The following ADGRG4 variants were observed in gnomAD, a reference collection of about 807,000 sequenced individuals.
ADGRG4 encodes the protein G protein-coupled receptor 112.
A neutral mutation model predicts 126.2 loss-of-function variants in ADGRG4; 122 were observed. The ratio of observed to expected loss-of-function variants is 0.97; its 90% CI spans 0.83 to 1.12. The LOEUF is 1.12. Among genes scored for constraint, ADGRG4 ranks in the 50% most tolerant of loss-of-function variants. The pLI is 0.00. For synonymous variants in ADGRG4, 943 were observed against 838.7 expected, an observed-to-expected ratio of 1.12 and a Z score of -2.15; for missense variants, 2,481 against 2,251.8, an observed-to-expected ratio of 1.10 and a Z score of -2.06.
At chrX:136,363,444 T>A (rs1460923504) in intron 12 of ADGRG4, 33 bp from the exon 13 acceptor site, 1 of 943,253 alleles carries the variant, frequency 1.1e-6, no homozygotes, top group South Asian at 1.9e-5. Flanking sequence ...TGCCTCATCC[T>A]CTGATGAGAA....
At position 136,372,851 on chromosome X, in the gene ADGRG4, G is replaced by C. The variant is rs758111673; in HGVS notation, c.7614-51G>C. ...TAAGGAAATCTTGCAAGGAGGATGGGTTTTACTTTTAAAAGGTAGGATGCT... is the reference window on the plus strand; with the variant it reads ...TAAGGAAATCTTGCAAGGAGGATGGCTTTTACTTTTAAAAGGTAGGATGCT... On this transcript the variant is annotated intron_variant, in intron 14 of 25. Transcript: ENST00000394143. 41 of 1,165,573 alleles carry C rather than the reference G, an allele frequency of 3.5e-5. No homozygotes were observed. The South Asian group carries it at 5.8e-4, about 16-fold the overall frequency.
At chrX:136,358,335 GGGA>G (rs2075107223) in intron 10 of ADGRG4, among the ~76,000 whole-genome samples, 2 of 111,375 alleles carry the variant, frequency 1.8e-5, no homozygotes, top group Non-Finnish European at 3.8e-5. Context: ...AGGATGAGCA[GGGA>G]CTTCACCAAA....
intron 5 of ADGRG4, among the ~76,000 whole-genome samples, chrX:136,338,302 C>A (rs947224697): frequency 1.8e-5 from 2 of 110,221 alleles, no homozygotes; most frequent in Non-Finnish European, 3.8e-5. Flanking sequence ...GCACTCAACA[C>A]CATGTCTGGC....
chrX:136,342,232 A>G (rs2074983011), intron 5 of ADGRG4, among the ~76,000 whole-genome samples: 1 of 111,904 alleles, frequency 8.9e-6, no homozygotes. Flanking sequence ...CTTTGTTATC[A>G]TACACTGTCA....
Position 136,346,585 on chromosome X carries a change from A to G in ADGRG4, c.2879A>G (p.His960Arg), listed in dbSNP as rs150236585. 3.3e-4 allele frequency: 393 copies of G among 1,208,921 alleles called. 6 individuals are homozygous for G. The highest frequency in any genetic ancestry group is 1.8e-5 in the Non-Finnish European group (16 of 894,501). The change falls in exon 6 of 26, where the codon CAT (histidine) becomes CGT (arginine). Residue 960 changes from histidine to arginine, a missense_variant. Transcript: ENST00000394143. ...SAGSPTSGST[H>R]IFGEPLGAST... Reference sequence around the variant, plus strand: ...GGATCTCCCACTTCTGGGAGCACACATATATTCGGTGAACCCCTGGGTGCT... The same window carrying G: ...GGATCTCCCACTTCTGGGAGCACACGTATATTCGGTGAACCCCTGGGTGCT...
intron 5 of ADGRG4, among the ~76,000 whole-genome samples, chrX:136,327,214 TAAA>T (rs1456538967): frequency 9.0e-6 from 1 of 111,031 alleles, no homozygotes; most frequent in Admixed American, 9.6e-5. Context: ...AGGTGTCTGT[TAAA>T]AAATTTTTTC....
chrX:136,375,196 A>G (rs1040766687), intron 15 of ADGRG4, among the ~76,000 whole-genome samples: 23 of 111,684 alleles, frequency 2.1e-4, no homozygotes, highest in African/African-American at 7.2e-4. Flanking sequence ...CATCCAAGTT[A>G]CTGCAAAAGA....
At chrX:136,366,391 T>A (rs2075158730) in intron 13 of ADGRG4, among the ~76,000 whole-genome samples, 1 of 112,504 alleles carries the variant, frequency 8.9e-6, no homozygotes, top group African/African-American at 3.2e-5. Flanking sequence ...TGGCACTGGA[T>A]AATATTCCAT....
chrX:136,386,984 G>A (rs752936756), intron 15 of ADGRG4, among the ~76,000 whole-genome samples: 3 of 111,819 alleles, frequency 2.7e-5, no homozygotes, highest in East Asian at 2.8e-4. Context: ...GGCCGCCTGC[G>A]GTGAGAGCCT....
At chrX:136,398,917 A>T (rs953242144) in intron 20 of ADGRG4, among the ~76,000 whole-genome samples, 1 of 112,556 alleles carries the variant, frequency 8.9e-6, no homozygotes, top group African/African-American at 3.2e-5. Flanking sequence ...AAATTGTGAT[A>T]TATTTGTAAA....
intron 13 of ADGRG4, among the ~76,000 whole-genome samples, chrX:136,370,599 T>G (rs1234549006): frequency 8.9e-6 from 1 of 112,219 alleles, no homozygotes; most frequent in Admixed American, 9.5e-5. Context: ...ACTAAAGTAT[T>G]TATGGATAAA....
intron 15 of ADGRG4, among the ~76,000 whole-genome samples, chrX:136,378,497 C>A (rs184468119): frequency 9.0e-6 from 1 of 110,883 alleles, no homozygotes; most frequent in Admixed American, 9.6e-5. Context: ...GGGGCCTATT[C>A]TGATGTTTAA....
chrX:136,341,161 A>C (rs768416480), intron 5 of ADGRG4, among the ~76,000 whole-genome samples: 135 of 112,150 alleles, frequency 1.2e-3, no homozygotes, highest in African/African-American at 4.2e-3. Flanking sequence ...TCTATGGCTC[A>C]GCCCTCTCTG....
Position 136,348,936 on chromosome X carries a change from A to T in ADGRG4, c.5230A>T (p.Ile1744Phe), listed in dbSNP as rs199856466. Residue 1744 changes from isoleucine to phenylalanine, a missense_variant, in exon 6 of 26, where the codon ATC becomes TTC. Ile to Phe is a conservative substitution (Grantham distance 21). Coordinates refer to ENST00000394143, the MANE Select transcript of ADGRG4 (RefSeq NM_153834.4). Reference sequence around the variant, plus strand: ...AGCTCTCACAGATACTTATTCCAGAATCACTGTTCCTGAAAATATGCTTTC... The same window carrying T: ...AGCTCTCACAGATACTTATTCCAGATTCACTGTTCCTGAAAATATGCTTTC... ...GVALTDTYSR[I>F]TVPENMLSPT... 9.9e-6 allele frequency: 12 copies of T among 1,208,107 alleles called. No individual in the cohort carries two copies. Among genetic ancestry groups the T allele is most frequent in the Non-Finnish European group, 1.3e-5 (12 of 892,878 alleles).
chrX:136,400,238 G>T (rs1011471110), intron 21 of ADGRG4, 122 bp downstream of exon 21: 1 of 575,874 alleles, frequency 1.7e-6, no homozygotes, highest in Admixed American at 3.6e-5. Context: ...TGGTGTTTGG[G>T]CATGCATCTT....
At chrX:136,305,613 C>G (rs2074728452) in intron 3 of ADGRG4, among the ~76,000 whole-genome samples, 1 of 112,129 alleles carries the variant, frequency 8.9e-6, no homozygotes, top group East Asian at 2.8e-4. Context: ...GAATAAATGT[C>G]CAGTGAGGGT....
At chrX:136,385,051 A>G (rs944690611) in intron 15 of ADGRG4, among the ~76,000 whole-genome samples, 6 of 110,731 alleles carry the variant, frequency 5.4e-5, no homozygotes, top group Admixed American at 9.6e-5. Flanking sequence ...GACTCCAATT[A>G]CTTGTATGTA....
intron 15 of ADGRG4, among the ~76,000 whole-genome samples, chrX:136,380,272 A>T (rs759398573): frequency 6.9e-4 from 76 of 110,367 alleles, no homozygotes; most frequent in African/African-American, 2.2e-3. Flanking sequence ...TTGCTGATTC[A>T]TTTGTCAACC....
Position 136,344,629 on chromosome X carries a change from A to G in ADGRG4, c.923A>G (p.Asp308Gly). The G allele has an allele frequency of 8.3e-7, 1 of 1,210,036 alleles. No individual in the cohort carries two copies. Among genetic ancestry groups the G allele is most frequent in the South Asian group, 1.8e-5 (1 of 56,907 alleles). Residue 308 changes from aspartate to glycine, a missense_variant, in exon 6 of 26, where the codon GAT becomes GGT. By Grantham distance (94) the Asp-to-Gly change is moderately conservative. Transcript: ENST00000394143. ...TAQKILKTLV[D>G]ETATFAVDVL... ...CAAAAAATCTTAAAGACACTGGTAG[A>G]TGAGACAGCTACATTTGCAGTGGAT...
Sources: allele counts gnomAD v4.1 joint callset (sites outside exome capture counted in the v4.1 genomes callset), GRCh38; gene constraint gnomAD v4.1.1; transcripts MANE v1.5; gene names NCBI Gene and HGNC (gene_info 2026-07-23, HGNC 2026-07-21).